The following CLIP4 variants were observed in gnomAD, a reference collection of about 807,000 sequenced individuals.
CLIP4 encodes the protein CAP-Gly domain containing linker protein family member 4, also known as CAP-Gly domain-containing linker protein 4.
Under a neutral mutation model 73.1 loss-of-function variants are expected in CLIP4, and 47 were observed. That is an observed-to-expected ratio of 0.64 (90% CI 0.51 to 0.82). CLIP4 has a LOEUF of 0.82. Among genes scored for constraint, CLIP4 ranks in the 40% least tolerant of loss-of-function variants. The pLI, the probability that CLIP4 is intolerant of heterozygous loss-of-function variation, is 0.00. For missense variants in CLIP4, 874 were observed against 852.9 expected (o/e 1.02, Z -0.31); for synonymous variants, 306 against 295.4 (o/e 1.04, Z -0.37).
chr2:29,170,814 T>A (rs10169015), intron 14 of CLIP4, among the ~76,000 whole-genome samples: 10 of 152,032 alleles, frequency 6.6e-5, no homozygotes, highest in African/African-American at 2.4e-4. Flanking sequence ...TTTTTTCACA[T>A]GTGAATGTCC....
rs1383809771 is a variant in CLIP4 at position 29,115,547 on chromosome 2, C to G, written c.-134C>G. 6.8e-6 allele frequency: 1 copy of G among 147,578 alleles called. No homozygotes were observed. The highest frequency in any genetic ancestry group is 6.7e-5 in the Admixed American group (1 of 14,870). The allele number at this position is 147,578 out of a possible 1,614,324, so 9.1% of individuals were successfully genotyped here. A position where few individuals can be genotyped will look rare whatever the true frequency, so the allele number is the denominator to read the frequency against. On this transcript the variant is annotated 5_prime_UTR_variant, in exon 1 of 16. Coordinates refer to ENST00000320081, the MANE Select transcript of CLIP4 (RefSeq NM_024692.6). The surrounding 1 kb of genome is among the most constrained non-coding windows in gnomAD (Gnocchi z 5.1). ...GGGCCCGGAGAGGTGTGGAGCGGCG[C>G]GGCGGGAGGCTCCGTGGGCGGCCAC...
chr2:29,164,143 A>G (rs955492635), intron 13 of CLIP4, among the ~76,000 whole-genome samples, 189 bp downstream of exon 13: 4 of 152,192 alleles, frequency 2.6e-5, no homozygotes, highest in African/African-American at 7.2e-5. Context: ...AGGATTTGCA[A>G]TTTTAAAAAC....
At chr2:29,152,862 A>G in intron 9 of CLIP4, 34 bp downstream of exon 9, 2 of 1,601,246 alleles carry the variant, frequency 1.2e-6, no homozygotes, top group Non-Finnish European at 1.7e-6. Context: ...CATCTGCTTC[A>G]GTGTTTTAAT....
intron 1 of CLIP4, among the ~76,000 whole-genome samples, chr2:29,119,882 A>T (rs1236336058): frequency 3.3e-5 from 5 of 152,246 alleles, no homozygotes; most frequent in African/African-American, 1.2e-4. Context: ...ATTCTGCCTC[A>T]TAATCTATAG....
intron 6 of CLIP4, among the ~76,000 whole-genome samples, chr2:29,138,222 A>G (rs1432825548): frequency 1.3e-5 from 2 of 151,968 alleles, no homozygotes; most frequent in Non-Finnish European, 2.9e-5. Context: ...TGTTCTGCAT[A>G]TGGCTAGCCA....
intron 14 of CLIP4, among the ~76,000 whole-genome samples, chr2:29,168,319 A>T (rs1340157960): frequency 6.6e-6 from 1 of 151,982 alleles, no homozygotes; most frequent in African/African-American, 2.4e-5. Context: ...AGGGTAGTTT[A>T]TCTTTTATCT....
chr2:29,153,973 A>G (rs1429512170), intron 9 of CLIP4, among the ~76,000 whole-genome samples: 1 of 152,214 alleles, frequency 6.6e-6, no homozygotes, highest in Non-Finnish European at 1.5e-5. Context: ...TTGAGGTTTT[A>G]TCTGATGTTT....
At position 29,143,805 on chromosome 2, in the gene CLIP4, C is replaced by T; in HGVS notation, c.745C>T (p.Gln249Ter). 6.2e-7 allele frequency: 1 copy of T among 1,614,060 alleles called. No homozygotes were observed. The highest frequency in any genetic ancestry group is 8.5e-7 in the Non-Finnish European group (1 of 1,179,908). Residue 249 changes from glutamine (Q) to a stop codon, truncating the protein, a stop_gained, in exon 7 of 16, where the codon CAG (glutamine) becomes TAG (stop). Coordinates refer to ENST00000320081, the MANE Select transcript of CLIP4 (RefSeq NM_024692.6). LOFTEE classifies it high-confidence loss of function. ...DAAATAKEIKQMLLDAVPLSC... is the reference protein window; with the variant it reads ...DAAATAKEIK The stretch of plus-strand genomic sequence containing the variant: ...CGCAGCCACTGCTAAGGAAATCAAG[C>T]AGATGCTTCTAGATGCGGTGCCTCT...
chr2:29,102,250 T>G (rs1216769601), intron 1 of CLIP4, among the ~76,000 whole-genome samples: 1 of 152,144 alleles, frequency 6.6e-6, no homozygotes, highest in African/African-American at 2.4e-5. Flanking sequence ...AGTTAACTTA[T>G]CTCAACAGGC....
chr2:29,150,065 A>C (rs1666448185), intron 8 of CLIP4, among the ~76,000 whole-genome samples: 1 of 152,172 alleles, frequency 6.6e-6, no homozygotes, highest in African/African-American at 2.4e-5. Context: ...AATAAGTTAA[A>C]ATGAAATAGC....
At chr2:29,123,041 T>G (rs924024777) in intron 2 of CLIP4, among the ~76,000 whole-genome samples, 3 of 152,176 alleles carry the variant, frequency 2.0e-5, no homozygotes, top group Non-Finnish European at 2.9e-5. Flanking sequence ...AATAAAATTG[T>G]TTTCGTATGT....
intron 1 of CLIP4, among the ~76,000 whole-genome samples, chr2:29,100,548 C>T (rs1265897683): frequency 2.6e-5 from 4 of 151,642 alleles, no homozygotes; most frequent in Non-Finnish European, 4.4e-5. Context: ...AAGAAATGTT[C>T]CCTACCCCCA....
chr2:29,160,550 G>T (rs1667220739), intron 12 of CLIP4, 83 bp downstream of exon 12: 1 of 1,487,726 alleles, frequency 6.7e-7, no homozygotes, highest in Non-Finnish European at 9.2e-7. Context: ...GAATTTAATT[G>T]TAGAGAAATC....
At chr2:29,167,643 TA>T (rs1333071588) in intron 14 of CLIP4, 103 bp downstream of exon 14, 8 of 733,532 alleles carry the variant, frequency 1.1e-5, no homozygotes, top group Non-Finnish European at 1.7e-5. Flanking sequence ...CTATAAACTG[TA>T]TTTGTATAGT....
At chr2:29,126,827 G>A (rs1034432260) in intron 2 of CLIP4, among the ~76,000 whole-genome samples, 2 of 152,178 alleles carry the variant, frequency 1.3e-5, no homozygotes, top group African/African-American at 4.8e-5. Flanking sequence ...AGTAGGGGTT[G>A]GGGAAAAGGA....
At chr2:29,146,661 G>A (rs1188008043) in intron 8 of CLIP4, among the ~76,000 whole-genome samples, 1 of 152,152 alleles carries the variant, frequency 6.6e-6, no homozygotes, top group Non-Finnish European at 1.5e-5. Flanking sequence ...CTGATGGTGA[G>A]GTGGTGTGGT....
rs190224036 is a variant in CLIP4 at position 29,169,823 on chromosome 2, C to T, written c.1723+2283C>T. 3.6e-3 allele frequency among the ~76,000 whole-genome samples: 549 copies of T among 152,086 alleles called. 4 individuals carry two copies. The highest frequency in any genetic ancestry group is 0.013 in the African/African-American group (521 of 41,486). ...ATACAATGTTGTTACCCGTAATTTT[C>T]CCCCTGTGCTATTGAATACTAGAAC... On this transcript the variant is annotated intron_variant, in intron 14 of 15. Transcript: ENST00000320081.
chr2:29,143,648 T>C, intron 6 of CLIP4, 61 bp from the exon 7 acceptor site: 1 of 1,123,670 alleles, frequency 8.9e-7, no homozygotes, highest in Non-Finnish European at 1.3e-6. Context: ...ACAGAAATTT[T>C]ATATGACTTT....
chr2:29,125,834 G>T (rs776868340), intron 2 of CLIP4, among the ~76,000 whole-genome samples: 189 of 152,232 alleles, frequency 1.2e-3, no homozygotes, highest in Non-Finnish European at 1.9e-3. Flanking sequence ...ACTTAAAGTA[G>T]ACATCACCTC....
Sources: allele counts gnomAD v4.1 joint callset (sites outside exome capture counted in the v4.1 genomes callset), GRCh38; gene constraint gnomAD v4.1.1; non-coding constraint Gnocchi (gnomAD v3.1); transcripts MANE v1.5; gene names NCBI Gene and HGNC (gene_info 2026-07-23, HGNC 2026-07-21).